The following TBC1D31 variants were observed in gnomAD, a reference collection of about 807,000 sequenced individuals.
The protein encoded by TBC1D31 is TBC1 domain family member 31, also known as WD repeat domain 67.
In TBC1D31, 99 loss-of-function variants were observed where a neutral mutation model predicts 132.9. That is an observed-to-expected ratio of 0.74 (90% CI 0.63 to 0.88). The LOEUF (loss-of-function observed/expected upper bound fraction) is 0.88, where lower values mean the gene tolerates loss of function less well. Ranked by LOEUF, TBC1D31 falls within the 40% of genes least tolerant of loss-of-function variation. The pLI, the probability that TBC1D31 is intolerant of heterozygous loss-of-function variation, is 0.00. For synonymous variants in TBC1D31, 385 were observed against 419.4 expected (o/e 0.92, Z 1.00); for missense variants, 1,134 against 1,256.6 (o/e 0.90, Z 1.48).
At chr8:123,120,232 T>A (rs1819338002) in intron 11 of TBC1D31, 44 bp downstream of exon 11, 2 of 1,506,036 alleles carry the variant, frequency 1.3e-6, no homozygotes, top group Non-Finnish European at 1.8e-6. Context: ...AATGGATTCT[T>A]ATACATTTTC....
At chr8:123,091,571 G>T (rs2130110235) in intron 4 of TBC1D31, among the ~76,000 whole-genome samples, 1 of 152,260 alleles carries the variant, frequency 6.6e-6, no homozygotes, top group African/African-American at 2.4e-5. Flanking sequence ...AGCTTGATCA[G>T]GCCCTTGCCT....
At chr8:123,089,046 A>G (rs1272186741) in intron 4 of TBC1D31, among the ~76,000 whole-genome samples, 1 of 152,218 alleles carries the variant, frequency 6.6e-6, no homozygotes, top group African/African-American at 2.4e-5. Flanking sequence ...AGGATTCCCA[A>G]TTTGAAAATC....
chr8:123,138,441 C>T (rs549787611), intron 17 of TBC1D31, among the ~76,000 whole-genome samples: 25 of 152,244 alleles, frequency 1.6e-4, no homozygotes, highest in Non-Finnish European at 2.6e-4. Flanking sequence ...AAAAATCCCT[C>T]GAGAAATAAC....
chr8:123,141,357 A>G (rs1821646856), intron 18 of TBC1D31, among the ~76,000 whole-genome samples: 1 of 141,326 alleles, frequency 7.1e-6, no homozygotes, highest in Admixed American at 7.0e-5. Flanking sequence ...ACTATTAACT[A>G]TTATTCAATA....
intron 11 of TBC1D31, among the ~76,000 whole-genome samples, chr8:123,124,908 G>A (rs903069846): frequency 4.1e-5 from 6 of 145,298 alleles, no homozygotes; most frequent in Non-Finnish European, 7.4e-5. Context: ...CTGCACTCCA[G>A]CCTGGGCCAC....
chr8:123,118,648 A>G (rs1307411497), intron 10 of TBC1D31, among the ~76,000 whole-genome samples: 1 of 152,148 alleles, frequency 6.6e-6, no homozygotes, highest in Non-Finnish European at 1.5e-5. Context: ...ATAAATAAAC[A>G]TGTAAAGGAC....
chr8:123,105,210 T>A, intron 7 of TBC1D31, 78 bp from the exon 8 acceptor site: 1 of 1,156,646 alleles, frequency 8.6e-7, no homozygotes, highest in Non-Finnish European at 1.1e-6. Flanking sequence ...TTAAAGCAAA[T>A]TTTGAAAATC....
chr8:123,128,241 G>C, intron 13 of TBC1D31, 40 bp from the exon 14 acceptor site: 1 of 1,015,936 alleles, frequency 9.8e-7, no homozygotes, highest in Non-Finnish European at 1.5e-6. Flanking sequence ...TAATTGCTTT[G>C]TCAGGTAAAT....
intron 2 of TBC1D31, 64 bp downstream of exon 2, chr8:123,077,321 AC>A: frequency 7.0e-7 from 1 of 1,432,560 alleles, no homozygotes; most frequent in South Asian, 1.3e-5. Flanking sequence ...CTGTTTTCGT[AC>A]CTGCTATTCA....
intron 20 of TBC1D31, among the ~76,000 whole-genome samples, chr8:123,149,649 C>G (rs1230417910): frequency 6.6e-6 from 1 of 152,164 alleles, no homozygotes; most frequent in Non-Finnish European, 1.5e-5. Flanking sequence ...GTAAAACTTG[C>G]CTATGGCTGG....
chr8:123,141,449 A>AGATGT (rs1554622469), intron 18 of TBC1D31, among the ~76,000 whole-genome samples: 1 of 152,006 alleles, frequency 6.6e-6, no homozygotes, highest in African/African-American at 2.4e-5. Context: ...GATTTAAGAG[A>AGATGT]ATTTCCAAGA....
intron 6 of TBC1D31, among the ~76,000 whole-genome samples, chr8:123,100,180 T>G (rs1817244110): frequency 6.6e-6 from 1 of 152,188 alleles, no homozygotes; most frequent in Non-Finnish European, 1.5e-5. Context: ...GGGAAGATTC[T>G]TAGGGCACCT....
chr8:123,092,774 T>A lies in TBC1D31; in HGVS notation c.520-817T>A, dbSNP rs575785438. 1.4e-3 allele frequency among the ~76,000 whole-genome samples: 211 copies of A among 149,046 alleles called. 1 individual carries two copies. Among genetic ancestry groups the A allele is most frequent in the African/African-American group, 5.1e-3 (206 of 40,502 alleles). The stretch of plus-strand genomic sequence containing the variant: ...AAGGGATTCTTCTGCCTCAGCCTCC[T>A]GAGTAGCTGGGACTACAGGCACACA... On this transcript the variant is annotated intron_variant, in intron 4 of 21. Transcript: ENST00000287380.
At chr8:123,136,909 T>C (rs1004472530) in intron 17 of TBC1D31, among the ~76,000 whole-genome samples, 9 of 152,256 alleles carry the variant, frequency 5.9e-5, no homozygotes, top group Admixed American at 4.6e-4. Flanking sequence ...GAACTTTATC[T>C]GGTCAGTTAG....
At chr8:123,157,250 C>CA in the TBC1D31 span, among the ~76,000 whole-genome samples, 1 of 152,196 alleles carries the variant, frequency 6.6e-6, no homozygotes, top group Non-Finnish European at 1.5e-5. Flanking sequence ...GAGGATCGAA[C>CA]TCACGACCTT....
At chr8:123,100,620 A>T (rs1332588257) in intron 6 of TBC1D31, among the ~76,000 whole-genome samples, 187 bp from the exon 7 acceptor site, 3 of 151,630 alleles carry the variant, frequency 2.0e-5, no homozygotes, top group Non-Finnish European at 4.4e-5. Context: ...AATATATAAT[A>T]TCTCACTGAG....
At chr8:123,105,896 C>T (rs1817877498) in intron 8 of TBC1D31, among the ~76,000 whole-genome samples, 1 of 152,124 alleles carries the variant, frequency 6.6e-6, no homozygotes, top group African/African-American at 2.4e-5. Flanking sequence ...TGGAACATTA[C>T]CATCAGCTTA....
At chr8:123,128,589 A>G in intron 14 of TBC1D31, 76 bp downstream of exon 14, 1 of 1,230,218 alleles carries the variant, frequency 8.1e-7, no homozygotes, top group Non-Finnish European at 1.1e-6. Flanking sequence ...AATGAAAAAT[A>G]CATTTGGCTG....
chr8:123,082,913 C>T (rs1410290379), intron 3 of TBC1D31, 96 bp downstream of exon 3: 3 of 764,686 alleles, frequency 3.9e-6, no homozygotes, highest in Non-Finnish European at 6.3e-6. Context: ...AGGGGGCAGT[C>T]CCCATGACAG....
Sources: allele counts gnomAD v4.1 joint callset (sites outside exome capture counted in the v4.1 genomes callset), GRCh38; gene constraint gnomAD v4.1.1; transcripts MANE v1.5; gene names NCBI Gene and HGNC (gene_info 2026-07-23, HGNC 2026-07-21).